MUC17: variants seen among roughly 807,000 people sequenced by gnomAD.
MUC17 encodes mucin-17.
MUC17 carries 190 observed loss-of-function variants against 170.3 expected under a neutral mutation model. That is an observed-to-expected ratio of 1.12 (90% CI 0.99 to 1.26). The LOEUF (loss-of-function observed/expected upper bound fraction) is 1.26, where lower values mean the gene tolerates loss of function less well. MUC17 is among the 50% of genes most tolerant of loss of function. The pLI is 0.00. For synonymous variants in MUC17, 2,325 were observed against 2,002.5 expected, an observed-to-expected ratio of 1.16 and a Z score of -4.30; for missense variants, 6,415 against 5,530.0, an observed-to-expected ratio of 1.16 and a Z score of -5.08.
rs143034520 is a variant in MUC17 at position 101,021,755 on chromosome 7, C to G, written c.82+1538C>G. On this transcript the variant is annotated intron_variant, in intron 1 of 12. Transcript: ENST00000306151. ...CATTGGCTGTCCTTTGGGACCCTGG[C>G]CAGCTTTGGGCAGCCTCTGACCCTT... Among the ~76,000 whole-genome samples the G allele has an allele frequency of 9.1e-4, 139 of 152,310 alleles. 1 individual carries two copies. Among genetic ancestry groups the G allele is most frequent in the African/African-American group, 3.1e-3 (130 of 41,562 alleles).
Position 101,041,107 on chromosome 7 carries a change from A to C in MUC17, c.9691A>C (p.Asn3231His). The change falls in exon 3 of 13, where the codon AAC becomes CAC. Residue 3231 changes from asparagine to histidine, a missense_variant. Asn to His is a moderately conservative substitution (Grantham distance 68, BLOSUM62 1). Coordinates refer to ENST00000306151, the MANE Select transcript of MUC17 (RefSeq NM_001040105.2). ...MTPLTSVPVS[N>H]TPVASSEASI... is the part of the protein sequence containing the mutation. ...TCCATTAACTAGTGTACCTGTCAGC[A>C]ACACGCCGGTGGCCAGTTCTGAGGC... 6.2e-7 allele frequency: 1 copy of C among 1,613,856 alleles called. No homozygotes were observed. Among genetic ancestry groups the C allele is most frequent in the Non-Finnish European group, 8.5e-7 (1 of 1,179,950 alleles).
intron 1 of MUC17, among the ~76,000 whole-genome samples, chr7:101,028,379 G>A (rs1358284528): frequency 6.6e-6 from 1 of 151,362 alleles, no homozygotes; most frequent in East Asian, 1.9e-4. Context: ...ATAAGCCACC[G>A]CGTCCAGATC....
At position 101,036,189 on chromosome 7, in the gene MUC17, C is replaced by A. The variant is rs200761782; in HGVS notation, c.4773C>A (p.Asn1591Lys). Residue 1591 changes from asparagine (N) to lysine (K), a missense_variant, in exon 3 of 13, where the codon AAC becomes AAA. Physicochemically the swap from Asn to Lys is moderately conservative, Grantham distance 94 (BLOSUM62 0). Coordinates refer to ENST00000306151, the MANE Select transcript of MUC17 (RefSeq NM_001040105.2). ...STMLVVSSEA[N>K]TLSTTPIDSK... ...TGCTGGTGGTCAGTTCTGAGGCTAA[C>A]ACCCTTTCAACAACCCCTATTGACT... 4.3e-6 allele frequency: 7 copies of A among 1,613,848 alleles called. No individual in the cohort carries two copies. The highest frequency in any genetic ancestry group is 5.9e-6 in the Non-Finnish European group (7 of 1,179,964).
intron 1 of MUC17, among the ~76,000 whole-genome samples, chr7:101,026,172 T>A (rs1238628954): frequency 6.6e-6 from 1 of 152,186 alleles, no homozygotes; most frequent in Non-Finnish European, 1.5e-5. Flanking sequence ...GGTCAGTGGA[T>A]CAGGGCCTAC....
Position 101,036,613 on chromosome 7 carries a change from A to T in MUC17, c.5197A>T (p.Thr1733Ser). Residue 1733 changes from threonine (T) to serine (S), a missense_variant, in exon 3 of 13, where the codon ACT becomes TCT. By Grantham distance (58) the Thr-to-Ser change is moderately conservative. Transcript: ENST00000306151. Reference protein sequence around the residue: ...TSTEARSSPTTSEGTSMPNST... With the variant: ...TSTEARSSPTSSEGTSMPNST... The stretch of plus-strand genomic sequence containing the variant: ...TACTGAAGCCCGTTCATCTCCTACA[A>T]CTTCTGAAGGTACCAGCATGCCAAA... 6.2e-7 allele frequency: 1 copy of T among 1,610,748 alleles called. No individual in the cohort carries two copies. The highest frequency in any genetic ancestry group is 8.5e-7 in the Non-Finnish European group (1 of 1,179,006).
At position 101,040,575 on chromosome 7, in the gene MUC17, C is replaced by T; in HGVS notation, c.9159C>T (p.Val3053=). Residue 3053 remains valine (V), a synonymous_variant, in exon 3 of 13, where the codon GTC becomes GTT. Transcript: ENST00000306151. ...GTACTCCATTAACAAGTATACCTGTCAGCACCACGCCAGTGGCCATTCCTG... is the reference window on the plus strand; with the variant it reads ...GTACTCCATTAACAAGTATACCTGTTAGCACCACGCCAGTGGCCATTCCTG... The part of the protein sequence containing the change: ...EGSTPLTSIP[V]STTPVAIPEA... 1 of 1,613,096 alleles carries T rather than the reference C, an allele frequency of 6.2e-7. No homozygotes were observed. The highest frequency in any genetic ancestry group is 8.5e-7 in the Non-Finnish European group (1 of 1,179,710).
At position 101,039,933 on chromosome 7, in the gene MUC17, A is replaced by T; in HGVS notation, c.8517A>T (p.Thr2839=). 6.2e-7 allele frequency: 1 copy of T among 1,613,504 alleles called. No homozygotes were observed. Among genetic ancestry groups the T allele is most frequent in the East Asian group, 2.2e-5 (1 of 44,856 alleles). ...TLSTTPVDTS[T]PVTTSTKASS... ...CAACAACTCCTGTTGACACCAGCAC[A>T]CCTGTGACCACTTCTACTAAAGCCA... Residue 2839 remains threonine (T), a synonymous_variant, in exon 3 of 13, where the codon ACA becomes ACT. Transcript: ENST00000306151.
In MUC17 at chr7:101,035,797, C is replaced by T. The variant is rs1289955458; in HGVS notation, c.4381C>T (p.Pro1461Ser). Residue 1461 changes from proline to serine, a missense_variant, in exon 3 of 13, where the codon CCT (proline) becomes TCT (serine). By Grantham distance (74) the Pro-to-Ser change is moderately conservative. Coordinates refer to ENST00000306151, the MANE Select transcript of MUC17 (RefSeq NM_001040105.2). ...SEGKTPLKSIPVSNTPVANSE... is the reference protein window; with the variant it reads ...SEGKTPLKSISVSNTPVANSE... ...AGGAAAGACTCCATTAAAAAGTATA[C>T]CTGTCAGCAACACGCCGGTGGCCAA... is the stretch of plus-strand genomic sequence containing the variant. 3.1e-6 allele frequency: 5 copies of T among 1,607,064 alleles called. No individual in the cohort carries two copies. Among genetic ancestry groups the T allele is most frequent in the Non-Finnish European group, 8.5e-7 (1 of 1,176,262 alleles).
rs1794955589 is a variant in MUC17 at position 101,051,944 on chromosome 7, T to C, written c.13085T>C (p.Leu4362Pro). ...AACCTCGGCAAGTGCCAGATGTCTCTAAGTGGACCTCAGTGCCTGTGAGTG... is the reference window on the plus strand; with the variant it reads ...AACCTCGGCAAGTGCCAGATGTCTCCAAGTGGACCTCAGTGCCTGTGAGTG... ...NCNLGKCQMS[L>P]SGPQCLCVTT... The change falls in exon 9 of 13, where the codon CTA becomes CCA. Residue 4362 changes from leucine to proline, a missense_variant. Physicochemically the swap from Leu to Pro is moderately conservative, Grantham distance 98. Coordinates refer to ENST00000306151, the MANE Select transcript of MUC17 (RefSeq NM_001040105.2). The C allele has an allele frequency of 6.2e-7, 1 of 1,613,554 alleles. No individual in the cohort carries two copies. The highest frequency in any genetic ancestry group is 1.3e-5 in the African/African-American group (1 of 74,936).
Position 101,036,630 on chromosome 7 carries a change from C to T in MUC17, c.5214C>T (p.Ser1738=), listed in dbSNP as rs765923572. 1 of 1,613,186 alleles carries T rather than the reference C, an allele frequency of 6.2e-7. No homozygotes were observed. Among genetic ancestry groups the T allele is most frequent in the East Asian group, 2.2e-5 (1 of 44,836 alleles). The change falls in exon 3 of 13, where the codon AGC becomes AGT. Residue 1738 remains serine, a synonymous_variant. Transcript: ENST00000306151. Reference sequence around the variant, plus strand: ...CTCCTACAACTTCTGAAGGTACCAGCATGCCAAACTCAACTCCTAGTGAAG... The same window carrying T: ...CTCCTACAACTTCTGAAGGTACCAGTATGCCAAACTCAACTCCTAGTGAAG... The part of the protein sequence containing the change: ...RSSPTTSEGT[S]MPNSTPSEGT...
In MUC17 at chr7:101,051,795, C is replaced by G. The variant is rs773082815; in HGVS notation, c.12944-8C>G. On this transcript the variant is annotated splice_polypyrimidine_tract_variant and splice_region_variant and intron_variant, in intron 8 of 12. Transcript: ENST00000306151. ...ACGGCTGTTCCCTGTCCCTGCACCC[C>G]CCACCAGAGGACTGCCGGAAGATGG... 6.2e-7 allele frequency: 1 copy of G among 1,612,572 alleles called. No homozygotes were observed. Among genetic ancestry groups the G allele is most frequent in the South Asian group, 1.1e-5 (1 of 90,952 alleles).
intron 8 of MUC17, 49 bp downstream of exon 8, chr7:101,051,730 C>T (rs1794947967): frequency 6.2e-7 from 1 of 1,605,648 alleles, no homozygotes; most frequent in South Asian, 1.1e-5. Flanking sequence ...AGGTGGGGAG[C>T]CCAGGAGGAG....
chr7:101,038,040 C>A lies in MUC17; in HGVS notation c.6624C>A (p.Thr2208=). Residue 2208 remains threonine, a synonymous_variant, in exon 3 of 13, where the codon ACC becomes ACA. Transcript: ENST00000306151. ...CATCTCCTACAACTTCTGAAGGTACCAGCATGCCAACCTCAACTCCTAGTG... is the reference window on the plus strand; with the variant it reads ...CATCTCCTACAACTTCTGAAGGTACAAGCATGCCAACCTCAACTCCTAGTG... ...ARSSPTTSEG[T]SMPTSTPSEG... 1.9e-6 allele frequency: 3 copies of A among 1,587,630 alleles called. No individual in the cohort carries two copies. Among genetic ancestry groups the A allele is most frequent in the Non-Finnish European group, 2.6e-6 (3 of 1,166,956 alleles).
intron 7 of MUC17, 118 bp from the exon 8 acceptor site, chr7:101,051,495 C>G: frequency 1.1e-6 from 1 of 919,498 alleles, no homozygotes; most frequent in Non-Finnish European, 1.7e-6. Flanking sequence ...CTGCCGGGGC[C>G]GGATTCCCAC....
At position 101,041,925 on chromosome 7, in the gene MUC17, A is replaced by G. The variant is rs1794719699; in HGVS notation, c.10509A>G (p.Glu3503=). 2 of 1,611,976 alleles carry G rather than the reference A, an allele frequency of 1.2e-6. No individual in the cohort carries two copies. Among genetic ancestry groups the G allele is most frequent in the East Asian group, 2.2e-5 (1 of 44,780 alleles). The change falls in exon 3 of 13, where the codon GAA becomes GAG. Residue 3503 remains glutamate, a synonymous_variant. Transcript: ENST00000306151. ...CCAATTCATCTCCTACAACTGCTGA[A>G]GTTACCAGCATGCCAACATCAACTG... ...SPTNSSPTTA[E]VTSMPTSTAG...
At chr7:101,030,375 C>A (rs1338413394) in intron 1 of MUC17, among the ~76,000 whole-genome samples, 1 of 151,942 alleles carries the variant, frequency 6.6e-6, no homozygotes, top group Admixed American at 6.6e-5. Context: ...GGTGCACATG[C>A]CACCATGCCC....
At position 101,042,126 on chromosome 7, in the gene MUC17, T is replaced by G. The variant is rs201023791; in HGVS notation, c.10710T>G (p.Thr3570=). ...TLQVTTMRMS[T]PSEGSSSLTT... Reference sequence around the variant, plus strand: ...AGGTCACCACTATGCGTATGTCTACTCCAAGTGAAGGAAGCTCTTCATTAA... The same window carrying G: ...AGGTCACCACTATGCGTATGTCTACGCCAAGTGAAGGAAGCTCTTCATTAA... Residue 3570 remains threonine (T), a synonymous_variant, in exon 3 of 13, where the codon ACT becomes ACG. Transcript: ENST00000306151. The G allele has an allele frequency of 6.2e-7, 1 of 1,614,198 alleles. No homozygotes were observed. Among genetic ancestry groups the G allele is most frequent in the Non-Finnish European group, 8.5e-7 (1 of 1,180,028 alleles).
Position 101,048,915 on chromosome 7 carries a change from G to A in MUC17, c.12606G>A (p.Glu4202=), listed in dbSNP as rs1275943249. The A allele has an allele frequency of 6.2e-7, 1 of 1,614,066 alleles. No individual in the cohort carries two copies. The highest frequency in any genetic ancestry group is 1.1e-5 in the South Asian group (1 of 91,060). The change falls in exon 5 of 13, where the codon GAG becomes GAA. Residue 4202 remains glutamate (E), a synonymous_variant. Transcript: ENST00000306151. Reference sequence around the variant, plus strand: ...TGACCAGTGTGAAGTTCACCGAAGAGCTAAAAAACCACTCTTCCCAGGAAT... The same window carrying A: ...TGACCAGTGTGAAGTTCACCGAAGAACTAAAAAACCACTCTTCCCAGGAAT... ...VTVTSVKFTE[E]LKNHSSQEFQ...
In MUC17 at chr7:101,036,094, G is replaced by C; in HGVS notation, c.4678G>C (p.Gly1560Arg). The C allele has an allele frequency of 6.2e-7, 1 of 1,612,208 alleles. No individual in the cohort carries two copies. The highest frequency in any genetic ancestry group is 1.1e-5 in the South Asian group (1 of 90,948). ...QASSSPTTAD[G>R]TSMQTSTYSE... is the part of the protein sequence containing the mutation. Reference sequence around the variant, plus strand: ...CAGTTCATCTCCTACAACTGCTGACGGTACCAGCATGCAAACCTCAACTTA... The same window carrying C: ...CAGTTCATCTCCTACAACTGCTGACCGTACCAGCATGCAAACCTCAACTTA... Residue 1560 changes from glycine (G) to arginine (R), a missense_variant, in exon 3 of 13, where the codon GGT (glycine) becomes CGT (arginine). Gly to Arg is a moderately radical substitution (Grantham distance 125, BLOSUM62 -2). Coordinates refer to ENST00000306151, the MANE Select transcript of MUC17 (RefSeq NM_001040105.2).
Sources: allele counts gnomAD v4.1 joint callset (sites outside exome capture counted in the v4.1 genomes callset), GRCh38; gene constraint gnomAD v4.1.1; transcripts MANE v1.5; gene names NCBI Gene and HGNC (gene_info 2026-07-23, HGNC 2026-07-21).